Variants in MAGI2 observed in about 807,000 individuals in gnomAD.
MAGI2 encodes the protein membrane associated guanylate kinase, WW and PDZ domain containing 2, also known as membrane-associated guanylate kinase, WW and PDZ domain-containing protein 2.
MAGI2 carries 35 observed loss-of-function variants against 133.3 expected under a neutral mutation model. The ratio of observed to expected loss-of-function variants is 0.26; its 90% CI spans 0.20 to 0.35. MAGI2 has a LOEUF of 0.35. MAGI2 is among the 10% of genes least tolerant of loss of function. The probability of loss-of-function intolerance (pLI) is 1.00; values close to 1 mark genes in which losing one functional copy is unlikely to be tolerated. For synonymous variants in MAGI2, 729 were observed against 710.6 expected, an observed-to-expected ratio of 1.03 and a Z score of -0.41; for missense variants, 1,636 against 1,863.4, an observed-to-expected ratio of 0.88 and a Z score of 2.25.
chr7:78,568,296 G>A (rs1386821373), intron 3 of MAGI2: 1 of 151,978 alleles, frequency 6.6e-6, no homozygotes, highest in Non-Finnish European at 1.5e-5. Flanking sequence ...TCAAATTTAT[G>A]TCCCTAGCTC....
intron 1 of MAGI2, among the ~76,000 whole-genome samples, chr7:79,170,969 GCAGT>G (rs1413083422): frequency 6.6e-6 from 1 of 151,958 alleles, no homozygotes; most frequent in Non-Finnish European, 1.5e-5. Flanking sequence ...TTTTTATTGG[GCAGT>G]CATTCACAAC....
chr7:78,415,914 T>C (rs1798254643), intron 6 of MAGI2, among the ~76,000 whole-genome samples: 1 of 152,156 alleles, frequency 6.6e-6, no homozygotes. Flanking sequence ...ATCCTTTGTA[T>C]GATGATGAGG....
intron 2 of MAGI2, among the ~76,000 whole-genome samples, chr7:78,961,698 G>A (rs2115787048): frequency 6.6e-6 from 1 of 152,180 alleles, no homozygotes; most frequent in East Asian, 1.9e-4. Flanking sequence ...ATATCTGCTA[G>A]TTTGGTGTTT....
rs57776940 is a variant in MAGI2 at position 78,654,703 on chromosome 7, GTATATATATATATATATATATA to G, written c.419-27486_419-27465del. Among the ~76,000 whole-genome samples the G allele has an allele frequency of 7.3e-4, 87 of 118,452 alleles. 1 individual carries two copies. The highest frequency in any genetic ancestry group is 1.1e-3 in the South Asian group (4 of 3,532). 77.7% of individuals were successfully genotyped at this position (118,452 alleles called of 152,430 possible). A position where few individuals can be genotyped will look rare whatever the true frequency, so the allele number is the denominator to read the frequency against. On this transcript the variant is annotated intron_variant, in intron 2 of 21. Transcript: ENST00000354212. ...TATTTGTGTGTACTTTTACATATAT[GTATATATATATATATATATATA>G]TATATATATATATATATATATATAG... is the stretch of plus-strand genomic sequence containing the variant.
At position 78,490,183 on chromosome 7, in the gene MAGI2, T is replaced by C. The variant is rs544267719; in HGVS notation, c.966-343A>G. 58 of 323,054 alleles carry C rather than the reference T, an allele frequency of 1.8e-4. No homozygotes were observed. In the Middle Eastern group the frequency reaches 3.3e-3, roughly 18 times the overall value. The allele number at this position is 323,054 out of a possible 1,614,324, so 20.0% of individuals were successfully genotyped here. On this transcript the variant is annotated intron_variant, in intron 5 of 21. Coordinates refer to ENST00000354212, the MANE Select transcript of MAGI2 (RefSeq NM_012301.4). ...GAAGAGCACAGTCCACAGGCTCTGA[T>C]AATGTTTCCTGAGTTTTGCAAAAGA...
At chr7:78,864,034 T>G (rs138417818) in intron 2 of MAGI2, among the ~76,000 whole-genome samples, 58 of 152,356 alleles carry the variant, frequency 3.8e-4, no homozygotes, top group African/African-American at 1.3e-3. Context: ...GTTAAGCTTT[T>G]GATTTAATCA....
chr7:78,738,244 G>A (rs944594086), intron 2 of MAGI2, among the ~76,000 whole-genome samples: 1 of 152,096 alleles, frequency 6.6e-6, no homozygotes, highest in African/African-American at 2.4e-5. Flanking sequence ...TGGGGATGTA[G>A]TATTAGAGGA....
chr7:78,500,732 C>G (rs989828068), intron 5 of MAGI2, among the ~76,000 whole-genome samples: 8 of 152,246 alleles, frequency 5.3e-5, no homozygotes, highest in Non-Finnish European at 8.8e-5. Context: ...TAAAAGGGAG[C>G]ATAATGAACT....
At chr7:79,295,204 C>G (rs73151297) in intron 1 of MAGI2, among the ~76,000 whole-genome samples, 2 of 152,116 alleles carry the variant, frequency 1.3e-5, no homozygotes, top group Non-Finnish European at 2.9e-5. Flanking sequence ...AGGTAAATGA[C>G]AAGCTTAATT....
At chr7:79,258,479 A>C (rs750777078) in intron 1 of MAGI2, among the ~76,000 whole-genome samples, 7 of 152,142 alleles carry the variant, frequency 4.6e-5, no homozygotes, top group Non-Finnish European at 8.8e-5. Context: ...CACCTTGCTC[A>C]TCTCTCCATC....
At chr7:78,262,293 GTTTATTCTTATGTGTTAC>G (rs933876894) in intron 9 of MAGI2, among the ~76,000 whole-genome samples, 19 of 152,080 alleles carry the variant, frequency 1.2e-4, no homozygotes, top group African/African-American at 4.3e-4. Flanking sequence ...GAATCTTTTT[GTTTATTCTTATGTGTTAC>G]TTTATAAATG....
At chr7:78,451,318 G>T (rs995378470) in intron 6 of MAGI2, among the ~76,000 whole-genome samples, 1 of 151,982 alleles carries the variant, frequency 6.6e-6, no homozygotes, top group Admixed American at 6.6e-5. Flanking sequence ...GAAACGAGAG[G>T]GTTCCTCCTG....
At chr7:78,037,871 C>T (rs927248047) in intron 21 of MAGI2, among the ~76,000 whole-genome samples, 4 of 152,274 alleles carry the variant, frequency 2.6e-5, no homozygotes, top group South Asian at 4.1e-4. Flanking sequence ...CCATTTCTTT[C>T]GTTCAGTACC....
intron 2 of MAGI2, among the ~76,000 whole-genome samples, chr7:78,846,907 A>G (rs1563574350): frequency 1.3e-5 from 2 of 151,928 alleles, no homozygotes; most frequent in African/African-American, 4.8e-5. Context: ...AAGGGTTTAC[A>G]GAGAAGAGGA....
At chr7:78,944,183 C>T (rs1279686585) in intron 2 of MAGI2, among the ~76,000 whole-genome samples, 1 of 152,142 alleles carries the variant, frequency 6.6e-6, no homozygotes, top group Non-Finnish European at 1.5e-5. Flanking sequence ...TTCATTTTCT[C>T]ACCTACACTC....
chr7:78,558,245 G>C (rs1317520801), intron 3 of MAGI2, among the ~76,000 whole-genome samples: 3 of 152,094 alleles, frequency 2.0e-5, no homozygotes, highest in Admixed American at 6.6e-5. Context: ...CAAAGAAAGA[G>C]ACAAACGTTA....
chr7:78,826,629 C>T (rs972086860), intron 2 of MAGI2, among the ~76,000 whole-genome samples: 1 of 152,104 alleles, frequency 6.6e-6, no homozygotes, highest in Non-Finnish European at 1.5e-5. Context: ...TTCTACAGCA[C>T]ATAGCATGAA....
At chr7:78,641,350 T>C (rs901224768) in intron 2 of MAGI2, among the ~76,000 whole-genome samples, 2 of 152,190 alleles carry the variant, frequency 1.3e-5, no homozygotes, top group African/African-American at 4.8e-5. Flanking sequence ...AAGAACTAGA[T>C]AGTAAATATT....
At chr7:78,378,689 T>C (rs1794665854) in intron 6 of MAGI2, among the ~76,000 whole-genome samples, 2 of 151,976 alleles carry the variant, frequency 1.3e-5, no homozygotes, top group African/African-American at 2.4e-5. Context: ...CAGTTTATTC[T>C]ACCCAAGATC....
Sources: gnomAD v4.1 joint callset for allele counts (sites outside exome capture counted in the v4.1 genomes callset) on GRCh38, gnomAD v4.1.1 for gene constraint, MANE v1.5 for transcripts, NCBI Gene and HGNC (gene_info 2026-07-23, HGNC 2026-07-21) for gene names.